Variants in LILRA1 observed in about 807,000 individuals in gnomAD.
The protein encoded by LILRA1 is leukocyte immunoglobulin-like receptor subfamily A member 1.
Under a neutral mutation model 51.6 loss-of-function variants are expected in LILRA1, and 51 were observed. The ratio of observed to expected loss-of-function variants is 0.99; its 90% CI spans 0.79 to 1.25. The LOEUF (loss-of-function observed/expected upper bound fraction) is 1.25. LILRA1 is among the 50% of genes most tolerant of loss of function. The pLI, the probability that LILRA1 is intolerant of heterozygous loss-of-function variation, is 0.00. For synonymous variants in LILRA1, 305 were observed against 248.4 expected, an observed-to-expected ratio of 1.23 and a Z score of -2.14; for missense variants, 660 against 611.7, an observed-to-expected ratio of 1.08 and a Z score of -0.83.
Position 54,600,745 on chromosome 19 carries a change from C to T in LILRA1, c.1398C>T (p.Gly466=), listed in dbSNP as rs761163175. The change falls in exon 10 of 10, where the codon GGC becomes GGT. Residue 466 remains glycine (G), a synonymous_variant. Transcript: ENST00000251372. ...DYTVENLIRM[G]IAGLVLVVLG... Reference sequence around the variant, plus strand: ...CAGTGGAGAATCTCATCCGCATGGGCATAGCTGGCTTGGTCCTGGTGGTCC... The same window carrying T: ...CAGTGGAGAATCTCATCCGCATGGGTATAGCTGGCTTGGTCCTGGTGGTCC... 7.4e-6 allele frequency: 12 copies of T among 1,614,130 alleles called. No homozygotes were observed. The highest frequency in any genetic ancestry group is 1.0e-5 in the Non-Finnish European group (12 of 1,180,020).
Position 54,596,253 on chromosome 19 carries a change from C to G in LILRA1, c.1023C>G (p.Asn341Lys). Residue 341 changes from asparagine (N) to lysine (K), a missense_variant, in exon 7 of 10, where the codon AAC (asparagine) becomes AAG (lysine). Asn to Lys is a moderately conservative substitution (Grantham distance 94, BLOSUM62 0). Coordinates refer to ENST00000251372, the MANE Select transcript of LILRA1 (RefSeq NM_006863.4). ...HPGPTVASGENVTLLCQSWGP... is the reference protein window; with the variant it reads ...HPGPTVASGEKVTLLCQSWGP... ...GCCCCACGGTGGCCTCAGGAGAGAA[C>G]GTGACCCTGCTGTGTCAGTCATGGG... 2 of 1,614,086 alleles carry G rather than the reference C, an allele frequency of 1.2e-6. No individual in the cohort carries two copies. The highest frequency in any genetic ancestry group is 4.5e-5 in the East Asian group (2 of 44,876).
chr19:54,594,454 C>T lies in LILRA1; in HGVS notation c.48C>T (p.Gly16=). The T allele has an allele frequency of 3.1e-6, 5 of 1,599,256 alleles. No individual in the cohort carries two copies. The highest frequency in any genetic ancestry group is 4.3e-6 in the Non-Finnish European group (5 of 1,166,320). ...TVLICLRLSL[G]PRTHVQAGTL... is the part of the protein sequence containing the mutation. ...ACTCTCTTCCAGGGCTGAGTCTGGG[C>T]CCCCGGACCCACGTGCAGGCAGGTG... is the stretch of plus-strand genomic sequence containing the variant. Residue 16 remains glycine, a synonymous_variant, in exon 3 of 10, where the codon GGC becomes GGT. Transcript: ENST00000251372.
rs2063012983 is a variant in LILRA1, at chr19:54,595,289, CTG to C, written c.551_552del (p.Val184GlyfsTer17). Reference sequence around the variant, plus strand: ...CATGGGTGGTCCCGGGCCATCTTCTCTGTGGGCCCCGTGAGCCCGAGTCGCAG... The same window carrying C: ...CATGGGTGGTCCCGGGCCATCTTCTCTGGGCCCCGTGAGCCCGAGTCGCAG... On this transcript the variant is annotated frameshift_variant, in exon 5 of 10. Transcript: ENST00000251372. LOFTEE classifies it high-confidence loss of function. 1 of 1,614,122 alleles carries C rather than the reference CTG, an allele frequency of 6.2e-7. No individual in the cohort carries two copies. The highest frequency in any genetic ancestry group is 2.2e-5 in the East Asian group (1 of 44,886).
rs748858089 is a variant in LILRA1, at chr19:54,595,367, C to G, written c.626C>G (p.Ser209Cys). ...AYDSNSPHVW[S>C]LPSDLLELLV... ...GACTCGAACTCTCCCCATGTGTGGT[C>G]TCTACCCAGTGATCTCCTGGAGCTC... is the stretch of plus-strand genomic sequence containing the variant. Residue 209 changes from serine to cysteine, a missense_variant, in exon 5 of 10, where the codon TCT becomes TGT. Ser to Cys is a moderately radical substitution (Grantham distance 112). Transcript: ENST00000251372. 7 of 1,613,502 alleles carry G rather than the reference C, an allele frequency of 4.3e-6. No homozygotes were observed. The highest frequency in any genetic ancestry group is 4.2e-6 in the Non-Finnish European group (5 of 1,179,680).
chr19:54,597,492 G>T (rs918057701), intron 7 of LILRA1, among the ~76,000 whole-genome samples: 1 of 151,930 alleles, frequency 6.6e-6, no homozygotes. Flanking sequence ...AAAGCAACAC[G>T]TGGCACAGCT....
At chr19:54,599,624 T>A in intron 8 of LILRA1, 2 of 996,614 alleles carry the variant, frequency 2.0e-6, no homozygotes, top group Non-Finnish European at 2.5e-6. Flanking sequence ...GAAATTTTAC[T>A]TCTTTATTTC....
Position 54,595,236 on chromosome 19 carries a change from A to G in LILRA1, c.495A>G (p.Pro165=), listed in dbSNP as rs754057434. The G allele has an allele frequency of 6.2e-7, 1 of 1,613,852 alleles. No individual in the cohort carries two copies. Among genetic ancestry groups the G allele is most frequent in the African/African-American group, 1.3e-5 (1 of 74,830 alleles). Reference sequence around the variant, plus strand: ...GTAAGGAAGGAGAAGATGAACACCCACAATGCCTGAACTCACAGCCCCGTA... The same window carrying G: ...GTAAGGAAGGAGAAGATGAACACCCGCAATGCCTGAACTCACAGCCCCGTA... The part of the protein sequence containing the change: ...ILCKEGEDEH[P]QCLNSQPRTH... Residue 165 remains proline (P), a synonymous_variant, in exon 5 of 10, where the codon CCA becomes CCG. Transcript: ENST00000251372.
chr19:54,595,108 A>G lies in LILRA1; in HGVS notation c.367A>G (p.Ile123Val). 1.9e-6 allele frequency: 3 copies of G among 1,613,420 alleles called. No homozygotes were observed. Among genetic ancestry groups the G allele is most frequent in the Non-Finnish European group, 2.5e-6 (3 of 1,179,558 alleles). The change falls in exon 5 of 10, where the codon ATC becomes GTC. Residue 123 changes from isoleucine (I) to valine (V), a missense_variant. Coordinates refer to ENST00000251372, the MANE Select transcript of LILRA1 (RefSeq NM_006863.4). ...PLELVVTGAY[I>V]KPTLSALPSP... Reference sequence around the variant, plus strand: ...GCCTCCTTCTCTCCTAGGAGCCTACATCAAACCCACCCTCTCAGCTCTACC... The same window carrying G: ...GCCTCCTTCTCTCCTAGGAGCCTACGTCAAACCCACCCTCTCAGCTCTACC...
intron 7 of LILRA1, among the ~76,000 whole-genome samples, chr19:54,597,470 A>G (rs2063083320): frequency 6.6e-6 from 1 of 151,842 alleles, no homozygotes; most frequent in Non-Finnish European, 1.5e-5. Context: ...AAATCTCTCC[A>G]ATTTTCTACT....
chr19:54,595,848 T>C lies in LILRA1; in HGVS notation c.871T>C (p.Tyr291His), dbSNP rs36029771. 0.088 allele frequency: 129,961 copies of C among 1,482,358 alleles called. 2,418 individuals are homozygous for C. The highest frequency in any genetic ancestry group is 0.36 in the African/African-American group (24,517 of 68,856). 91.8% of individuals were successfully genotyped at this position (1,482,358 alleles called of 1,614,324 possible). ...NFTLGPVSRS[Y>H]GGQYRCSGAY... Reference sequence around the variant, plus strand: ...CACCCTGGGCCCTGTGAGCCGCTCCTACGGGGGCCAGTACAGATGCTCCGG... The same window carrying C: ...CACCCTGGGCCCTGTGAGCCGCTCCCACGGGGGCCAGTACAGATGCTCCGG... Residue 291 changes from tyrosine (Y) to histidine (H), a missense_variant, in exon 6 of 10, where the codon TAC (tyrosine) becomes CAC (histidine). By Grantham distance (83) the Tyr-to-His change is moderately conservative. Coordinates refer to ENST00000251372, the MANE Select transcript of LILRA1 (RefSeq NM_006863.4).
At chr19:54,597,916 G>T (rs1479196615) in intron 7 of LILRA1, among the ~76,000 whole-genome samples, 2 of 151,268 alleles carry the variant, frequency 1.3e-5, no homozygotes, top group Admixed American at 1.3e-4. Flanking sequence ...GGTGCCCTGA[G>T]CCCAAGCCCA....
chr19:54,596,330 T>A lies in LILRA1; in HGVS notation c.1100T>A (p.Leu367His), dbSNP rs571010353. Residue 367 changes from leucine to histidine, a missense_variant, in exon 7 of 10, where the codon CTC becomes CAC. Transcript: ENST00000251372. ...LTKAGAADAP[L>H]RLRSIHEYPK... ...AAGGCGGGAGCAGCTGATGCCCCCC[T>A]CCGTCTCAGATCAATACACGAATAT... 1.2e-6 allele frequency: 2 copies of A among 1,613,986 alleles called. No individual in the cohort carries two copies. The highest frequency in any genetic ancestry group is 2.7e-5 in the African/African-American group (2 of 74,962).
intron 4 of LILRA1, 43 bp from the exon 5 acceptor site, chr19:54,595,057 G>C (rs765091891): frequency 5.6e-6 from 9 of 1,602,490 alleles, no homozygotes; most frequent in South Asian, 5.6e-5. Flanking sequence ...GATGAAGTGG[G>C]AGGTGTGAGC....
chr19:54,594,646 A>T lies in LILRA1; in HGVS notation c.71-19A>T, dbSNP rs2062984598. On this transcript the variant is annotated intron_variant, in intron 3 of 9. Coordinates refer to ENST00000251372, the MANE Select transcript of LILRA1 (RefSeq NM_006863.4). ...TGGGTGGGAAATGACTTAGAATCTG[A>T]ACTCTGATTTCCTTCCAGGGACCCT... is the stretch of plus-strand genomic sequence containing the variant. 1 of 1,611,272 alleles carries T rather than the reference A, an allele frequency of 6.2e-7. No homozygotes were observed. Among genetic ancestry groups the T allele is most frequent in the East Asian group, 2.2e-5 (1 of 44,844 alleles).
rs2062977996 is a variant in LILRA1 at position 54,594,469 on chromosome 19, G to A, written c.63G>A (p.Val21=). ...LRLSLGPRTH[V]QAGTLPKPTL... ...TGAGTCTGGGCCCCCGGACCCACGT[G>A]CAGGCAGGTGAGTCTGTCCCCAGCT... Residue 21 remains valine, a synonymous_variant, in exon 3 of 10, where the codon GTG becomes GTA. Transcript: ENST00000251372. The A allele has an allele frequency of 1.2e-6, 2 of 1,614,012 alleles. No individual in the cohort carries two copies. The highest frequency in any genetic ancestry group is 3.3e-5 in the Admixed American group (2 of 60,018).
Position 54,595,931 on chromosome 19 carries a change from C to T in LILRA1, c.954C>T (p.Ile318=), listed in dbSNP as rs764131915. The change falls in exon 6 of 10, where the codon ATC becomes ATT. Residue 318 remains isoleucine, a synonymous_variant. Coordinates refer to ENST00000251372, the MANE Select transcript of LILRA1 (RefSeq NM_006863.4). ...CCAGCGACCCCCTGGACATCCTGAT[C>T]GCAGGTGAGGAGCCCAGCGGGTTCA... is the stretch of plus-strand genomic sequence containing the variant. ...SAPSDPLDIL[I]AGQFRGRPFI... is the part of the protein sequence containing the mutation. 4.3e-6 allele frequency: 7 copies of T among 1,612,658 alleles called. No homozygotes were observed. Among genetic ancestry groups the T allele is most frequent in the East Asian group, 2.2e-5 (1 of 44,852 alleles).
rs765870298 is a variant in LILRA1 at position 54,594,261 on chromosome 19, C to T, written c.17C>T (p.Thr6Ile). Residue 6 changes from threonine (T) to isoleucine (I), a missense_variant, in exon 2 of 10, where the codon ACA becomes ATA. Transcript: ENST00000251372. Reference sequence around the variant, plus strand: ...GGAGACGCTATGACCCCCATCGTCACAGTCCTGATCTGTCTCAGTGAGATT... The same window carrying T: ...GGAGACGCTATGACCCCCATCGTCATAGTCCTGATCTGTCTCAGTGAGATT... MTPIV[T>I]VLICLRLSLG... 18 of 1,611,612 alleles carry T rather than the reference C, an allele frequency of 1.1e-5. No homozygotes were observed. In the African/African-American group the frequency reaches 1.7e-4, roughly 16 times the overall value.
At chr19:54,599,462 A>G in intron 8 of LILRA1, 176 bp downstream of exon 8, 2 of 1,265,970 alleles carry the variant, frequency 1.6e-6, no homozygotes, top group Non-Finnish European at 2.0e-6. Context: ...ACATTTTTAA[A>G]ATAAGAGATA....
rs532196859 is a variant in LILRA1 at position 54,593,638 on chromosome 19, C to T, written c.-192C>T. ...TTTCTTCCCCTATTTCCCTGCATTTCTCCTCTGTGCTCACTGCCACACGCA... is the reference window on the plus strand; with the variant it reads ...TTTCTTCCCCTATTTCCCTGCATTTTTCCTCTGTGCTCACTGCCACACGCA... On this transcript the variant is annotated 5_prime_UTR_variant, in exon 1 of 10. Transcript: ENST00000251372. 7 of 401,956 alleles carry T rather than the reference C, an allele frequency of 1.7e-5. No homozygotes were observed. Among genetic ancestry groups the T allele is most frequent in the African/African-American group, 8.3e-5 (4 of 48,458 alleles). The allele number at this position is 401,956 out of a possible 1,614,324, so 24.9% of individuals were successfully genotyped here. A position where few individuals can be genotyped will look rare whatever the true frequency, so the allele number is the denominator to read the frequency against.
Sources: allele counts gnomAD v4.1 joint callset (sites outside exome capture counted in the v4.1 genomes callset), GRCh38; gene constraint gnomAD v4.1.1; transcripts MANE v1.5; gene names NCBI Gene and HGNC (gene_info 2026-07-23, HGNC 2026-07-21).